The following PIK3C3 variants were observed in gnomAD, a reference collection of about 807,000 sequenced individuals.
PIK3C3 encodes PI3-kinase type 3.
In PIK3C3, 95 loss-of-function variants were observed where a neutral mutation model predicts 126.1. The observed-to-expected ratio is 0.75, with a 90% CI of 0.64 to 0.89. The LOEUF is 0.89. Among genes scored for constraint, PIK3C3 ranks in the 40% least tolerant of loss-of-function variants. The pLI is 0.00. For missense variants in PIK3C3, 829 were observed against 1,063.2 expected, an observed-to-expected ratio of 0.78 and a Z score of 3.06; for synonymous variants, 374 against 360.0, an observed-to-expected ratio of 1.04 and a Z score of -0.44.
intron 12 of PIK3C3, among the ~76,000 whole-genome samples, chr18:42,017,164 G>C (rs543458465): frequency 2.0e-5 from 3 of 152,022 alleles, no homozygotes; most frequent in South Asian, 4.2e-4. Context: ...AGAGTGTATT[G>C]TACAAGCCAT....
intron 4 of PIK3C3, among the ~76,000 whole-genome samples, chr18:41,979,938 A>C (rs1261464868): frequency 6.6e-6 from 1 of 151,356 alleles, no homozygotes; most frequent in Non-Finnish European, 1.5e-5. Flanking sequence ...ACCTCAGACT[A>C]TTTTGTTTAT....
At chr18:42,079,511 A>T (rs1986158762) in intron 24 of PIK3C3, among the ~76,000 whole-genome samples, 1 of 152,206 alleles carries the variant, frequency 6.6e-6, no homozygotes, top group Non-Finnish European at 1.5e-5. Context: ...CAAAGTGAAC[A>T]TAAGCTGTTG....
At chr18:42,070,822 C>T (rs573854755) in intron 24 of PIK3C3, among the ~76,000 whole-genome samples, 7 of 152,188 alleles carry the variant, frequency 4.6e-5, no homozygotes, top group African/African-American at 1.4e-4. Flanking sequence ...GAGTTATTGG[C>T]GTGTACCTAT....
intron 22 of PIK3C3, among the ~76,000 whole-genome samples, chr18:42,061,219 C>G (rs932813390): frequency 6.6e-6 from 1 of 152,096 alleles, no homozygotes; most frequent in Admixed American, 6.6e-5. Flanking sequence ...GCAATCTTTG[C>G]TAGATTTTGC....
intron 24 of PIK3C3, among the ~76,000 whole-genome samples, chr18:42,073,818 T>A (rs545929566): frequency 1.9e-4 from 29 of 152,068 alleles, no homozygotes; most frequent in Non-Finnish European, 3.1e-4. Flanking sequence ...TTTGCTGTCC[T>A]CTTTCATCTT....
intron 24 of PIK3C3, among the ~76,000 whole-genome samples, chr18:42,070,675 A>G (rs1260483735): frequency 6.6e-6 from 1 of 152,132 alleles, no homozygotes; most frequent in Non-Finnish European, 1.5e-5. Context: ...TTTTTGATAT[A>G]AATTTAATAT....
intron 18 of PIK3C3, among the ~76,000 whole-genome samples, chr18:42,040,389 T>C (rs1276615766): frequency 6.6e-6 from 1 of 152,084 alleles, no homozygotes; most frequent in Non-Finnish European, 1.5e-5. Flanking sequence ...TTTTTGATGC[T>C]AGATTTAAGA....
chr18:41,992,617 A>G (rs1165087466), intron 6 of PIK3C3, among the ~76,000 whole-genome samples: 1 of 152,166 alleles, frequency 6.6e-6, no homozygotes, highest in East Asian at 1.9e-4. Context: ...TTGGAGAAAA[A>G]TAAAAGCCAA....
At chr18:42,039,154 C>A (rs1984194234) in intron 18 of PIK3C3, among the ~76,000 whole-genome samples, 2 of 152,138 alleles carry the variant, frequency 1.3e-5, no homozygotes, top group African/African-American at 4.8e-5. Flanking sequence ...CCATTTAAGT[C>A]TTTTCGAGAT....
intron 10 of PIK3C3, among the ~76,000 whole-genome samples, chr18:42,008,179 A>C (rs537918274): frequency 6.6e-6 from 1 of 152,178 alleles, no homozygotes; most frequent in South Asian, 2.1e-4. Context: ...CTGATTTAGG[A>C]TTTTTTTAAT....
intron 21 of PIK3C3, 31 bp downstream of exon 21, chr18:42,049,636 A>G (rs1984707562): frequency 6.8e-7 from 1 of 1,469,578 alleles, no homozygotes; most frequent in Non-Finnish European, 9.5e-7. Flanking sequence ...GTAGACATAC[A>G]TTGTATATGC....
Position 41,988,597 on chromosome 18 carries a change from A to G in PIK3C3, c.618+699A>G, listed in dbSNP as rs185172902. The stretch of plus-strand genomic sequence containing the variant: ...GTCTAATTTATAATGACCATAAGGC[A>G]CAACTTACTTAATTTATATTCTCCA... On this transcript the variant is annotated intron_variant, in intron 5 of 24. Coordinates refer to ENST00000262039, the MANE Select transcript of PIK3C3 (RefSeq NM_002647.4). Among the ~76,000 whole-genome samples the G allele has an allele frequency of 6.6e-5, 10 of 152,294 alleles. 1 individual carries two copies. The East Asian group carries it at 1.9e-3, about 29-fold the overall frequency.
intron 7 of PIK3C3, among the ~76,000 whole-genome samples, chr18:41,995,303 T>A (rs1040405329): frequency 1.3e-4 from 19 of 151,956 alleles, no homozygotes; most frequent in African/African-American, 4.6e-4. Context: ...ATTAAAAAAA[T>A]TAGGAATATG....
At chr18:41,987,595 T>C (rs1344750685) in intron 4 of PIK3C3, among the ~76,000 whole-genome samples, 3 of 152,220 alleles carry the variant, frequency 2.0e-5, no homozygotes, top group East Asian at 1.9e-4. Context: ...TGTCAAAATA[T>C]GGCAAATTAT....
chr18:42,011,578 A>G (rs1039744915), intron 10 of PIK3C3, among the ~76,000 whole-genome samples: 10 of 152,158 alleles, frequency 6.6e-5, no homozygotes, highest in African/African-American at 2.2e-4. Context: ...CAGACCACCA[A>G]AACTTCTATA....
At position 41,961,174 on chromosome 18, in the gene PIK3C3, A is replaced by C. The variant is rs191968689; in HGVS notation, c.258-1315A>C. ...TGTCTGGTAGTCATTAAAGGACAGAATACAGAATAATAAATTCCACAATAT... is the reference window on the plus strand; with the variant it reads ...TGTCTGGTAGTCATTAAAGGACAGACTACAGAATAATAAATTCCACAATAT... On this transcript the variant is annotated intron_variant, in intron 2 of 24. Coordinates refer to ENST00000262039, the MANE Select transcript of PIK3C3 (RefSeq NM_002647.4). Among the ~76,000 whole-genome samples, 15 of 152,318 alleles carry C rather than the reference A, an allele frequency of 9.8e-5. No homozygotes were observed. The East Asian group carries it at 2.9e-3, about 29-fold the overall frequency.
chr18:41,956,417 T>A (rs574013055), intron 1 of PIK3C3, among the ~76,000 whole-genome samples: 1 of 152,316 alleles, frequency 6.6e-6, no homozygotes, highest in South Asian at 2.1e-4. Flanking sequence ...ACACCACTAG[T>A]AGTTTATACA....
chr18:41,991,641 C>G (rs1393798060), intron 6 of PIK3C3, among the ~76,000 whole-genome samples: 1 of 152,052 alleles, frequency 6.6e-6, no homozygotes, highest in Admixed American at 6.6e-5. Context: ...TTATAAATTA[C>G]TATTTGAAAG....
chr18:42,078,490 T>C lies in PIK3C3; in HGVS notation c.2650-2633T>C, dbSNP rs189887499. 3.7e-3 allele frequency among the ~76,000 whole-genome samples: 565 copies of C among 151,966 alleles called. 7 individuals carry two copies. The highest frequency in any genetic ancestry group is 0.013 in the African/African-American group (528 of 41,422). ...TTGTAGATCAAAGGCAGAGTAGATT[T>C]AACATAATTCTTAGGGGCCCTAGGA... On this transcript the variant is annotated intron_variant, in intron 24 of 24. Transcript: ENST00000262039.
Sources: gnomAD v4.1 joint callset for allele counts (sites outside exome capture counted in the v4.1 genomes callset) on GRCh38, gnomAD v4.1.1 for gene constraint, MANE v1.5 for transcripts, NCBI Gene and HGNC (gene_info 2026-07-23, HGNC 2026-07-21) for gene names.